The following RARB variants were observed in gnomAD, a reference collection of about 807,000 sequenced individuals.
RARB encodes the protein HBV-activated protein.
Under a neutral mutation model 51.9 loss-of-function variants are expected in RARB, and 17 were observed. The ratio of observed to expected loss-of-function variants is 0.33; its 90% CI spans 0.22 to 0.49. The LOEUF (loss-of-function observed/expected upper bound fraction) is 0.49, where lower values mean the gene tolerates loss of function less well. RARB is among the 20% of genes least tolerant of loss of function. The pLI is 0.99. For synonymous variants in RARB, 215 were observed against 195.4 expected, an observed-to-expected ratio of 1.10 and a Z score of -0.84; for missense variants, 369 against 550.8, an observed-to-expected ratio of 0.67 and a Z score of 3.30.
chr3:25,185,265 G>C (rs888617399), intron 5 of RARB, among the ~76,000 whole-genome samples: 3 of 152,076 alleles, frequency 2.0e-5, no homozygotes, highest in Non-Finnish European at 4.4e-5. Context: ...ATCATGAAGA[G>C]TTCACATCCA....
chr3:24,892,201 T>G (rs1000822067), intron 2 of RARB, among the ~76,000 whole-genome samples: 2 of 147,134 alleles, frequency 1.4e-5, no homozygotes, highest in African/African-American at 5.0e-5. Context: ...ATTTTCTAAT[T>G]CACTTGAATG....
At chr3:25,070,036 C>G (rs1191322881) in intron 3 of RARB, among the ~76,000 whole-genome samples, 2 of 152,198 alleles carry the variant, frequency 1.3e-5, no homozygotes, top group Non-Finnish European at 2.9e-5. Flanking sequence ...AGGCCATGCT[C>G]TCTCTGAAAC....
At chr3:25,480,166 T>C (rs987707746) in intron 2 of RARB, among the ~76,000 whole-genome samples, 3 of 152,332 alleles carry the variant, frequency 2.0e-5, no homozygotes, top group Middle Eastern at 3.4e-3. Flanking sequence ...GCTCCATCGT[T>C]TGGACAAACC....
chr3:25,438,971 G>A (rs932832653), intron 1 of RARB, among the ~76,000 whole-genome samples: 1 of 152,166 alleles, frequency 6.6e-6, no homozygotes, highest in Non-Finnish European at 1.5e-5. Flanking sequence ...CATCCTGTTT[G>A]CTGTTGAAGT....
intron 2 of RARB, among the ~76,000 whole-genome samples, chr3:24,971,329 C>G (rs943219460): frequency 1.3e-5 from 2 of 151,892 alleles, no homozygotes; most frequent in African/African-American, 4.8e-5. Flanking sequence ...GATGTTTGGA[C>G]TCTAGATTGA....
At chr3:25,372,918 A>T (rs1450939243) in intron 5 of RARB, among the ~76,000 whole-genome samples, 1 of 152,224 alleles carries the variant, frequency 6.6e-6, no homozygotes, top group Non-Finnish European at 1.5e-5. Context: ...GTAAAGTCAC[A>T]GGATTTACTG....
chr3:24,892,679 T>C (rs1703408487), intron 2 of RARB, among the ~76,000 whole-genome samples: 1 of 152,336 alleles, frequency 6.6e-6, no homozygotes, highest in Middle Eastern at 3.4e-3. Context: ...GAAGGAATCC[T>C]AAAAGTATTT....
At chr3:24,852,054 T>C (rs1702567023) in intron 1 of RARB, among the ~76,000 whole-genome samples, 1 of 152,248 alleles carries the variant, frequency 6.6e-6, no homozygotes, top group African/African-American at 2.4e-5. Flanking sequence ...TTTTCCAACC[T>C]GCTTGCTGGA....
intron 2 of RARB, among the ~76,000 whole-genome samples, chr3:24,898,783 T>C (rs929978940): frequency 6.6e-6 from 1 of 152,250 alleles, no homozygotes; most frequent in Non-Finnish European, 1.5e-5. Context: ...CTAATGTTTT[T>C]AGCATTTGGC....
At chr3:25,524,286 C>T (rs1395561589) in intron 3 of RARB, among the ~76,000 whole-genome samples, 1 of 152,138 alleles carries the variant, frequency 6.6e-6, no homozygotes, top group African/African-American at 2.4e-5. Context: ...TTTGTTACCA[C>T]GGCACCCAGC....
rs892020133 is a variant in RARB, at chr3:25,128,830, GA to G, written c.-327-3323del. 1.4e-3 allele frequency among the ~76,000 whole-genome samples: 206 copies of G among 151,406 alleles called. 1 individual carries two copies. The highest frequency in any genetic ancestry group is 1.7e-3 in the Non-Finnish European group (117 of 67,806). The stretch of plus-strand genomic sequence containing the variant: ...GAGGAAATTTTAAGGAAGAGATATA[GA>G]AAAAAAATCAAACATTGTAATAATA... On this transcript the variant is annotated intron_variant, in intron 3 of 11. Coordinates refer to the RARB transcript ENST00000383772.
chr3:24,960,997 T>A (rs901805667), intron 2 of RARB, among the ~76,000 whole-genome samples: 2 of 152,152 alleles, frequency 1.3e-5, no homozygotes, highest in Non-Finnish European at 2.9e-5. Context: ...GGCCAGGAAT[T>A]AACCTCTCAA....
chr3:24,897,571 C>A (rs1449050610), intron 2 of RARB, among the ~76,000 whole-genome samples: 2 of 152,126 alleles, frequency 1.3e-5, no homozygotes, highest in Non-Finnish European at 2.9e-5. Context: ...AAACTTGAAG[C>A]TATATTTAGT....
intron 3 of RARB, among the ~76,000 whole-genome samples, chr3:25,536,273 C>T (rs528395066): frequency 2.6e-5 from 4 of 152,258 alleles, no homozygotes; most frequent in African/African-American, 9.6e-5. Context: ...AGAGACAAAG[C>T]CAGGCCTAGA....
chr3:25,566,660 T>TCC (rs2125684571), intron 3 of RARB, among the ~76,000 whole-genome samples: 1 of 152,240 alleles, frequency 6.6e-6, no homozygotes, highest in South Asian at 2.1e-4. Flanking sequence ...TCACAGTGTC[T>TCC]CCTCTCTCCT....
At position 24,838,512 on chromosome 3, in the gene RARB, A is replaced by G. The variant is rs181072407; in HGVS notation, c.-459+9109A>G. Among the ~76,000 whole-genome samples the G allele has an allele frequency of 2.4e-3, 364 of 152,334 alleles. 1 individual carries two copies. Among genetic ancestry groups the G allele is most frequent in the Non-Finnish European group, 3.2e-3 (221 of 68,028 alleles). On this transcript the variant is annotated intron_variant, in intron 1 of 11. Coordinates refer to the RARB transcript ENST00000383772. ...AAAAACTATCAGACACTATAGCTTG[A>G]CAAGTATATTGGAAAGCTATAAGCT... is the stretch of plus-strand genomic sequence containing the variant.
chr3:25,174,410 G>A (rs377235312), exon 5 of RARB: 3 of 1,352,016 alleles, frequency 2.2e-6, no homozygotes, highest in Non-Finnish European at 2.0e-6. Context: ...GACCACCAGC[G>A]GCCACGCATG....
Position 24,914,017 on chromosome 3 carries a change from A to G in RARB, c.-380+55265A>G, listed in dbSNP as rs551843341. ...AGTCAGCCAGATGCAAAAGGTAGCC[A>G]CAGGGAAATGGGTATGGCCAAGATG... On this transcript the variant is annotated intron_variant, in intron 2 of 11. Coordinates refer to the RARB transcript ENST00000383772. Among the ~76,000 whole-genome samples, 10 of 152,340 alleles carry G rather than the reference A, an allele frequency of 6.6e-5. No homozygotes were observed. The South Asian group carries it at 2.1e-3, about 32-fold the overall frequency.
chr3:25,013,450 T>C (rs1477630078), intron 2 of RARB, among the ~76,000 whole-genome samples: 2 of 152,118 alleles, frequency 1.3e-5, no homozygotes, highest in Non-Finnish European at 2.9e-5. Flanking sequence ...CCAACTATTC[T>C]TAACCATCTC....
Sources: gnomAD v4.1 joint callset for allele counts (sites outside exome capture counted in the v4.1 genomes callset) on GRCh38, gnomAD v4.1.1 for gene constraint, MANE v1.5 for transcripts, NCBI Gene and HGNC (gene_info 2026-07-23, HGNC 2026-07-21) for gene names.